Variants in PEAK1 observed in about 807,000 individuals in gnomAD.
PEAK1 encodes inactive tyrosine-protein kinase PEAK1.
In PEAK1, 54 loss-of-function variants were observed where a neutral mutation model predicts 124.7. The ratio of observed to expected loss-of-function variants is 0.43; its 90% CI spans 0.35 to 0.54. The LOEUF is 0.54. Ranked by LOEUF, PEAK1 falls within the 20% of genes least tolerant of loss-of-function variation. The pLI, the probability that PEAK1 is intolerant of heterozygous loss-of-function variation, is 0.01. For synonymous variants in PEAK1, 719 were observed against 760.0 expected (o/e 0.95, Z 0.89); for missense variants, 2,046 against 2,134.5 (o/e 0.96, Z 0.82).
Position 77,420,101 on chromosome 15 carries a change from G to T in PEAK1, c.-761C>A. 1 of 150,956 alleles carries T rather than the reference G, an allele frequency of 6.6e-6. No individual in the cohort carries two copies. The highest frequency in any genetic ancestry group is 1.9e-4 in the South Asian group (1 of 5,394). 9.4% of individuals were successfully genotyped at this position (150,956 alleles called of 1,614,324 possible). The stretch of plus-strand genomic sequence containing the variant: ...CCGCCGCCGCCGAGCAACTGACACT[G>T]ACTAACAACAACTAACTAACTACTC... On this transcript the variant is annotated 5_prime_UTR_variant, in exon 1 of 10. Coordinates refer to ENST00000682557, the MANE Select transcript of PEAK1 (RefSeq NM_001385026.1).
At chr15:77,379,289 A>G (rs190145638) in intron 1 of PEAK1, among the ~76,000 whole-genome samples, 2 of 152,344 alleles carry the variant, frequency 1.3e-5, no homozygotes, top group Admixed American at 1.3e-4. Context: ...CAGTCCTTCT[A>G]AGAGGAACCT....
chr15:77,271,864 G>A lies in PEAK1; in HGVS notation c.-275+12019C>T, dbSNP rs931263140. ...GTTAATGGGTGCAGCACACCAACAC[G>A]GCACATGTATACATATGTAACAAAC... On this transcript the variant is annotated intron_variant, in intron 5 of 9. Coordinates refer to ENST00000682557, the MANE Select transcript of PEAK1 (RefSeq NM_001385026.1). Among the ~76,000 whole-genome samples, 7 of 151,960 alleles carry A rather than the reference G, an allele frequency of 4.6e-5. No homozygotes were observed. The East Asian group carries it at 5.8e-4, about 13-fold the overall frequency.
chr15:77,241,698 TAA>T (rs930586113), intron 6 of PEAK1, among the ~76,000 whole-genome samples: 2 of 149,368 alleles, frequency 1.3e-5, no homozygotes, highest in Admixed American at 6.7e-5. Flanking sequence ...AAACCAAAAT[TAA>T]AAAAAAATAA....
chr15:77,152,044 T>C (rs199803036), intron 8 of PEAK1, among the ~76,000 whole-genome samples: 1 of 152,228 alleles, frequency 6.6e-6, no homozygotes, highest in Non-Finnish European at 1.5e-5. Context: ...GGTAGCATGA[T>C]AGGGATGGCA....
At position 77,179,697 on chromosome 15, in the gene PEAK1, T is replaced by G; in HGVS notation, c.2230A>C (p.Lys744Gln). 6.2e-7 allele frequency: 1 copy of G among 1,614,116 alleles called. No homozygotes were observed. Among genetic ancestry groups the G allele is most frequent in the African/African-American group, 1.3e-5 (1 of 75,022 alleles). Residue 744 changes from lysine to glutamine, a missense_variant, in exon 7 of 10, where the codon AAA becomes CAA. By Grantham distance (53) the Lys-to-Gln change is moderately conservative. Coordinates refer to ENST00000682557, the MANE Select transcript of PEAK1 (RefSeq NM_001385026.1). ...IQRATQEPVA[K>Q]IEGTQESQMV... The stretch of plus-strand genomic sequence containing the variant: ...TGAGACTCCTGAGTGCCTTCTATTT[T>G]GGCCACAGGCTCTTGAGTGGCTCTC...
intron 2 of PEAK1, chr15:77,345,957 G>T (rs984487801): frequency 4.5e-5 from 44 of 985,170 alleles, no homozygotes; most frequent in Admixed American, 6.2e-5. Flanking sequence ...AATGGCAAAG[G>T]TCTATCATGG....
At chr15:77,372,527 G>A (rs749238361) in intron 1 of PEAK1, among the ~76,000 whole-genome samples, 16 of 152,194 alleles carry the variant, frequency 1.1e-4, no homozygotes, top group Admixed American at 2.0e-4. Context: ...AATCAGAAGC[G>A]AGGGTTTAAT....
chr15:77,206,120 T>C (rs1296708639), intron 6 of PEAK1, among the ~76,000 whole-genome samples: 1 of 111,508 alleles, frequency 9.0e-6, no homozygotes, highest in African/African-American at 3.5e-5. Context: ...AATGATGATT[T>C]CCAATTTCAT....
At chr15:77,335,054 G>A in intron 2 of PEAK1, 1 of 985,406 alleles carries the variant, frequency 1.0e-6, no homozygotes, top group Non-Finnish European at 1.2e-6. Flanking sequence ...TATGTGGACA[G>A]GTTTCTTCTA....
chr15:77,166,856 C>G lies in PEAK1; in HGVS notation c.3138-8160G>C, dbSNP rs181672581. Among the ~76,000 whole-genome samples, 7 of 152,250 alleles carry G rather than the reference C, an allele frequency of 4.6e-5. No individual in the cohort carries two copies. The East Asian group carries it at 1.4e-3, about 29-fold the overall frequency. On this transcript the variant is annotated intron_variant, in intron 7 of 9. Transcript: ENST00000682557. The stretch of plus-strand genomic sequence containing the variant: ...ATGTGACAAAAGCAGGATTCAAACC[C>G]AGGTCTCGGTGACTTCAAAGTCTAC...
At chr15:77,386,424 T>C (rs2069943287) in intron 1 of PEAK1, among the ~76,000 whole-genome samples, 1 of 152,220 alleles carries the variant, frequency 6.6e-6, no homozygotes, top group Non-Finnish European at 1.5e-5. Context: ...TAAAATGCTG[T>C]TGGTAGCACA....
chr15:77,413,568 G>C (rs1344444940), intron 1 of PEAK1, among the ~76,000 whole-genome samples: 3 of 152,052 alleles, frequency 2.0e-5, no homozygotes, highest in African/African-American at 4.8e-5. Context: ...CTTGTGTCAA[G>C]GTTATAAAAG....
chr15:77,128,658 T>G (rs572063286), intron 9 of PEAK1, among the ~76,000 whole-genome samples: 1 of 152,346 alleles, frequency 6.6e-6, no homozygotes, highest in East Asian at 1.9e-4. Flanking sequence ...GATTTATCAC[T>G]CCTTTCTTCC....
chr15:77,119,677 A>T (rs1279356655), intron 9 of PEAK1, among the ~76,000 whole-genome samples: 5 of 152,216 alleles, frequency 3.3e-5, no homozygotes. Flanking sequence ...CTTAGCAGGG[A>T]AACAGAGCTT....
chr15:77,413,618 C>A (rs1228161158), intron 1 of PEAK1, among the ~76,000 whole-genome samples: 1 of 151,976 alleles, frequency 6.6e-6, no homozygotes, highest in Non-Finnish European at 1.5e-5. Flanking sequence ...TTGGGAGAGA[C>A]AAAGAAGACA....
chr15:77,312,745 C>T (rs914178170), intron 2 of PEAK1, among the ~76,000 whole-genome samples: 1 of 152,190 alleles, frequency 6.6e-6, no homozygotes, highest in East Asian at 1.9e-4. Context: ...AGGCTGAAGG[C>T]CTAAAAATAT....
chr15:77,154,318 TTTTG>T (rs1434359565), intron 8 of PEAK1, among the ~76,000 whole-genome samples: 1 of 152,210 alleles, frequency 6.6e-6, no homozygotes. Context: ...CCCTGCCTTT[TTTTG>T]TTTTCCATTT....
rs569695514 is a variant in PEAK1, at chr15:77,372,475, AT to A, written c.-665-7251del. Among the ~76,000 whole-genome samples the A allele has an allele frequency of 1.2e-3, 190 of 152,192 alleles. 2 individuals carry two copies. Among genetic ancestry groups the A allele is most frequent in the African/African-American group, 4.5e-3 (185 of 41,538 alleles). ...GTCATTAAAAAAACTACCATCCTCA[AT>A]CTGTTTGAATCTGTGTTTGCTCATT... On this transcript the variant is annotated intron_variant, in intron 1 of 9. Coordinates refer to ENST00000682557, the MANE Select transcript of PEAK1 (RefSeq NM_001385026.1).
intron 1 of PEAK1, chr15:77,404,271 A>G: frequency 1.0e-6 from 1 of 985,408 alleles, no homozygotes; most frequent in East Asian, 1.1e-4. Context: ...ACACCTCTCC[A>G]GAATACCTGC....
Sources: gnomAD v4.1 joint callset for allele counts (sites outside exome capture counted in the v4.1 genomes callset) on GRCh38, gnomAD v4.1.1 for gene constraint, MANE v1.5 for transcripts, NCBI Gene and HGNC (gene_info 2026-07-23, HGNC 2026-07-21) for gene names.